The following MYOM2 variants were observed in gnomAD, a reference collection of about 807,000 sequenced individuals.
The protein encoded by MYOM2 is myomesin 2.
In MYOM2, 254 loss-of-function variants were observed where a neutral mutation model predicts 187.6. The observed-to-expected ratio is 1.35, with a 90% CI of 1.22 to 1.50. The LOEUF (loss-of-function observed/expected upper bound fraction) is 1.50. MYOM2 is among the 40% of genes most tolerant of loss of function. The probability of loss-of-function intolerance (pLI) is 0.00; values close to 1 mark genes in which losing one functional copy is unlikely to be tolerated. For synonymous variants in MYOM2, 981 were observed against 753.8 expected, an observed-to-expected ratio of 1.30 and a Z score of -4.94; for missense variants, 2,796 against 1,924.0, an observed-to-expected ratio of 1.45 and a Z score of -8.48.
intron 10 of MYOM2, among the ~76,000 whole-genome samples, chr8:2,074,486 ACT>A (rs1286858281): frequency 1.3e-5 from 2 of 151,608 alleles, no homozygotes; most frequent in African/African-American, 4.9e-5. Context: ...ATGGATTAAC[ACT>A]CTGTCGCCCA....
chr8:2,068,029 G>T (rs1585844132), intron 6 of MYOM2, among the ~76,000 whole-genome samples: 2 of 152,260 alleles, frequency 1.3e-5, no homozygotes, highest in Admixed American at 1.3e-4. Context: ...GCTGTGTTGA[G>T]GGCTTCGATG....
chr8:2,134,034 C>T (rs1356960863), intron 32 of MYOM2, among the ~76,000 whole-genome samples: 1 of 152,146 alleles, frequency 6.6e-6, no homozygotes, highest in Non-Finnish European at 1.5e-5. Context: ...CACCGTCTTC[C>T]CCTGAGGTTA....
At chr8:2,098,200 G>A (rs988073840) in intron 18 of MYOM2, 1 of 152,270 alleles carries the variant, frequency 6.6e-6, no homozygotes, top group Non-Finnish European at 1.5e-5. Context: ...TACTTCGGAA[G>A]CTATTTTTTG....
chr8:2,122,778 C>G (rs1251258560), intron 28 of MYOM2, among the ~76,000 whole-genome samples: 1 of 152,200 alleles, frequency 6.6e-6, no homozygotes, highest in Non-Finnish European at 1.5e-5. Context: ...AGGGAAGGTC[C>G]TCACCTCTAG....
intron 27 of MYOM2, among the ~76,000 whole-genome samples, chr8:2,116,953 C>A (rs559930289): frequency 7.4e-6 from 1 of 135,352 alleles, no homozygotes; most frequent in Admixed American, 7.7e-5. Flanking sequence ...TAGAGACGGA[C>A]GGGGTTTCAC....
Position 2,144,977 on chromosome 8 carries a change from A to C in MYOM2, c.4394A>C (p.Gln1465Pro). 1 of 1,613,386 alleles carries C rather than the reference A, an allele frequency of 6.2e-7. No homozygotes were observed. The highest frequency in any genetic ancestry group is 1.1e-5 in the South Asian group (1 of 91,018). The change falls in exon 37 of 37, where the codon CAG (glutamine) becomes CCG (proline). Residue 1465 changes from glutamine (Q) to proline (P), a missense_variant. Gln to Pro is a moderately conservative substitution (Grantham distance 76). Transcript: ENST00000262113. ...LIPASASAAG[Q>P] ...CCCGCGTCTGCCTCAGCGGCAGGCC[A>C]GTGAAGGCGTTTTCCTAGCCTGGAG...
chr8:2,113,822 C>A (rs557785592), intron 25 of MYOM2, among the ~76,000 whole-genome samples: 1 of 152,322 alleles, frequency 6.6e-6, no homozygotes, highest in African/African-American at 2.4e-5. Context: ...AAGCCCCCTC[C>A]AGCTGACTTT....
At chr8:2,068,118 A>G (rs1819078182) in intron 6 of MYOM2, among the ~76,000 whole-genome samples, 1 of 152,162 alleles carries the variant, frequency 6.6e-6, no homozygotes. Flanking sequence ...CAGCTCTTCA[A>G]TGCTCGTGTG....
At chr8:2,084,963 C>T (rs377151170) in intron 13 of MYOM2, 1 of 358,076 alleles carries the variant, frequency 2.8e-6, no homozygotes. Flanking sequence ...GGTGCAATGC[C>T]TGGTTTCTTC....
intron 15 of MYOM2, among the ~76,000 whole-genome samples, chr8:2,091,074 GT>G (rs1275430126): frequency 8.4e-6 from 1 of 118,620 alleles, no homozygotes; most frequent in Non-Finnish European, 1.6e-5. Context: ...TTCCACAATA[GT>G]TGAACTAATT....
At chr8:2,136,490 T>C (rs79348074) in intron 32 of MYOM2, among the ~76,000 whole-genome samples, 19,845 of 152,178 alleles carry the variant, frequency 0.13, 2,194 homozygotes, top group African/African-American at 0.28. Context: ...TGGGTTCAAG[T>C]GTTCTTCCCC....
intron 31 of MYOM2, among the ~76,000 whole-genome samples, chr8:2,125,381 GA>G (rs1797600087): frequency 6.6e-6 from 1 of 152,072 alleles, no homozygotes; most frequent in Non-Finnish European, 1.5e-5. Flanking sequence ...CATCTTTGTT[GA>G]AAATCAATTG....
Position 2,073,543 on chromosome 8 carries a change from C to G in MYOM2, c.1120+43C>G, listed in dbSNP as rs757885261. ...CTCAGGGTGCAGACCTTGTGTGTGC[C>G]CGGGGAGGGGAGGCAGCCCTGGGAG... On this transcript the variant is annotated intron_variant, in intron 10 of 36. Coordinates refer to ENST00000262113, the MANE Select transcript of MYOM2 (RefSeq NM_003970.4). 4.5e-6 allele frequency: 7 copies of G among 1,539,996 alleles called. No individual in the cohort carries two copies. In the African/African-American group the frequency reaches 8.2e-5, roughly 18 times the overall value.
intron 11 of MYOM2, among the ~76,000 whole-genome samples, chr8:2,077,568 T>G (rs898362842): frequency 1.3e-5 from 2 of 152,186 alleles, no homozygotes; most frequent in Non-Finnish European, 2.9e-5. Flanking sequence ...GAGACAGTTC[T>G]GCAGGGAGTG....
At chr8:2,125,150 C>T (rs1349421699) in intron 31 of MYOM2, among the ~76,000 whole-genome samples, 1 of 152,176 alleles carries the variant, frequency 6.6e-6, no homozygotes. Flanking sequence ...CCTATCCAAG[C>T]GATCACTGCC....
chr8:2,113,928 C>G (rs1254459110), intron 25 of MYOM2, among the ~76,000 whole-genome samples: 1 of 152,182 alleles, frequency 6.6e-6, no homozygotes, highest in Admixed American at 6.5e-5. Context: ...TAAGGCCATG[C>G]CTGCTCTCAG....
chr8:2,106,600 AATATTT>A lies in MYOM2; in HGVS notation c.2998+8_2998+13del. The A allele has an allele frequency of 6.3e-7, 1 of 1,591,454 alleles. No homozygotes were observed. The highest frequency in any genetic ancestry group is 8.6e-7 in the Non-Finnish European group (1 of 1,162,064). Reference sequence around the variant, plus strand: ...CAGTTTTGTTCTGGACCCAGAAGGTAATATTTATATGGCAGAACCTTGCCTGTTTTG... The same window carrying A: ...CAGTTTTGTTCTGGACCCAGAAGGTAATATGGCAGAACCTTGCCTGTTTTG... On this transcript the variant is annotated splice_donor_5th_base_variant and intron_variant, in intron 23 of 36. Transcript: ENST00000262113.
intron 6 of MYOM2, among the ~76,000 whole-genome samples, chr8:2,061,932 C>T (rs1442798791): frequency 1.3e-5 from 2 of 152,154 alleles, no homozygotes; most frequent in African/African-American, 2.4e-5. Context: ...CATCAGGAGG[C>T]AATTGATGAG....
chr8:2,063,733 A>G (rs1199705016), intron 6 of MYOM2, among the ~76,000 whole-genome samples: 2 of 152,254 alleles, frequency 1.3e-5, no homozygotes, highest in African/African-American at 4.8e-5. Context: ...ATGAGAATTG[A>G]TATGGCACTT....
Sources: gnomAD v4.1 joint callset for allele counts (sites outside exome capture counted in the v4.1 genomes callset) on GRCh38, gnomAD v4.1.1 for gene constraint, MANE v1.5 for transcripts, NCBI Gene and HGNC (gene_info 2026-07-23, HGNC 2026-07-21) for gene names.